Variants in BCAR3 observed in about 807,000 individuals in gnomAD.
The protein encoded by BCAR3 is BCAR3 adaptor protein, NSP family member, also known as breast cancer anti-estrogen resistance protein 3.
Under a neutral mutation model 80.1 loss-of-function variants are expected in BCAR3, and 37 were observed. The ratio of observed to expected loss-of-function variants is 0.46; its 90% confidence interval spans 0.36 to 0.61. The LOEUF is 0.61. Among genes scored for constraint, BCAR3 ranks in the 20% least tolerant of loss-of-function variants. The pLI, the probability that BCAR3 is intolerant of heterozygous loss-of-function variation, is 0.00. For synonymous variants in BCAR3, 389 were observed against 418.9 expected, an observed-to-expected ratio of 0.93 and a Z score of 0.87; for missense variants, 978 against 1,068.2, an observed-to-expected ratio of 0.92 and a Z score of 1.18.
chr1:93,635,992 C>T (rs544838526), intron 3 of BCAR3, among the ~76,000 whole-genome samples: 3 of 152,290 alleles, frequency 2.0e-5, no homozygotes, highest in Admixed American at 6.5e-5. Context: ...CTGAGGTCTC[C>T]GGCAGCCAGG....
At chr1:93,807,163 G>C (rs1436940317) in intron 2 of BCAR3, among the ~76,000 whole-genome samples, 1 of 152,112 alleles carries the variant, frequency 6.6e-6, no homozygotes, top group African/African-American at 2.4e-5. Context: ...GTCTTTGATT[G>C]ATATGGCCTG....
chr1:93,711,853 A>G (rs1162961346), intron 2 of BCAR3, among the ~76,000 whole-genome samples: 1 of 152,176 alleles, frequency 6.6e-6, no homozygotes, highest in Non-Finnish European at 1.5e-5. Context: ...GTGACCTGCA[A>G]AACATGGACA....
At chr1:93,847,953 G>A, upstream of BCAR3, 1 of 236,702 alleles carries the variant, frequency 4.2e-6, no homozygotes, top group Non-Finnish European at 8.2e-6. Flanking sequence ...GCGAAGGCTC[G>A]CGGTTTCGGC....
intron 2 of BCAR3, among the ~76,000 whole-genome samples, chr1:93,657,392 T>C (rs1647439665): frequency 1.3e-5 from 2 of 152,202 alleles, no homozygotes; most frequent in Admixed American, 1.3e-4. Context: ...GAATTATTTA[T>C]TACTTGAAAA....
intron 3 of BCAR3, among the ~76,000 whole-genome samples, chr1:93,624,449 G>T (rs1675400027): frequency 6.6e-6 from 1 of 152,194 alleles, no homozygotes; most frequent in African/African-American, 2.4e-5. Flanking sequence ...CTGGAAGTTT[G>T]GGAGCCCCTG....
At chr1:93,776,951 T>C (rs192350051) in intron 2 of BCAR3, among the ~76,000 whole-genome samples, 1 of 152,274 alleles carries the variant, frequency 6.6e-6, no homozygotes, top group Admixed American at 6.5e-5. Context: ...TTCTTACAGA[T>C]GGAATCAGGT....
At chr1:93,668,098 A>C (rs574580544) in intron 2 of BCAR3, among the ~76,000 whole-genome samples, 1 of 152,016 alleles carries the variant, frequency 6.6e-6, no homozygotes, top group Non-Finnish European at 1.5e-5. Context: ...TGGTGGCCTG[A>C]AAAAAAACAT....
intron 2 of BCAR3, among the ~76,000 whole-genome samples, chr1:93,779,965 C>T (rs981662119): frequency 1.3e-5 from 2 of 152,142 alleles, no homozygotes; most frequent in African/African-American, 4.8e-5. Flanking sequence ...AAAAGGTAAA[C>T]CCCTCAGGAC....
At chr1:93,811,035 A>C (rs1653823926) in intron 2 of BCAR3, among the ~76,000 whole-genome samples, 1 of 152,220 alleles carries the variant, frequency 6.6e-6, no homozygotes, top group Admixed American at 6.5e-5. Flanking sequence ...AGGTAACAGA[A>C]TCCCAATTTT....
At chr1:93,742,020 C>T (rs900184987) in intron 2 of BCAR3, among the ~76,000 whole-genome samples, 5 of 152,302 alleles carry the variant, frequency 3.3e-5, no homozygotes, top group African/African-American at 9.6e-5. Flanking sequence ...CGTGTACCTG[C>T]CTCCACCACA....
At chr1:93,583,502 CT>C (rs1442500467) in intron 6 of BCAR3, among the ~76,000 whole-genome samples, 5 of 148,228 alleles carry the variant, frequency 3.4e-5, no homozygotes, top group African/African-American at 1.3e-4. Context: ...AAACAACCCC[CT>C]GTCTTACTAA....
At position 93,698,944 on chromosome 1, in the gene BCAR3, G is replaced by A. The variant is rs139452295; in HGVS notation, c.-12+7148C>T. 1.2e-4 allele frequency among the ~76,000 whole-genome samples: 18 copies of A among 152,308 alleles called. No individual in the cohort carries two copies. The East Asian group carries it at 1.3e-3, about 11-fold the overall frequency. On this transcript the variant is annotated intron_variant, in intron 3 of 13. Transcript: ENST00000370244. ...TAACAGCACACAACACAAGGGAATCGTGCCTCCTGCTTTTTTGGCTTGGTA... is the reference window on the plus strand; with the variant it reads ...TAACAGCACACAACACAAGGGAATCATGCCTCCTGCTTTTTTGGCTTGGTA...
intron 3 of BCAR3, among the ~76,000 whole-genome samples, chr1:93,702,372 T>G (rs1649674385): frequency 6.6e-6 from 1 of 152,104 alleles, no homozygotes; most frequent in African/African-American, 2.4e-5. Context: ...AAAAACAACC[T>G]CAGCCCAACT....
intron 2 of BCAR3, among the ~76,000 whole-genome samples, chr1:93,759,682 G>A (rs1651868305): frequency 6.6e-6 from 1 of 152,172 alleles, no homozygotes; most frequent in Admixed American, 6.5e-5. Context: ...GGGAGAGAAG[G>A]AACACACCTG....
In BCAR3 at chr1:93,565,516, G is replaced by GA. The variant is rs559054497; in HGVS notation, c.2299+1762dup. Among the ~76,000 whole-genome samples the GA allele has an allele frequency of 1.1e-3, 161 of 152,300 alleles. 2 individuals are homozygous for GA. The highest frequency in any genetic ancestry group is 3.6e-3 in the African/African-American group (148 of 41,562). ...TGTGAAATCTATATTAGGATCGACT[G>GA]AAAAATTCCATCAGTGACCTTTAAA... On this transcript the variant is annotated intron_variant, in intron 11 of 11. Coordinates refer to ENST00000260502, the MANE Select transcript of BCAR3 (RefSeq NM_003567.4).
intron 2 of BCAR3, among the ~76,000 whole-genome samples, chr1:93,833,387 A>G (rs978130542): frequency 6.6e-6 from 1 of 152,160 alleles, no homozygotes; most frequent in African/African-American, 2.4e-5. Context: ...ATTGTCATTG[A>G]TAAACATCTT....
intron 1 of BCAR3, among the ~76,000 whole-genome samples, chr1:93,679,296 TA>T (rs1473152749): frequency 6.6e-6 from 1 of 152,232 alleles, no homozygotes; most frequent in African/African-American, 2.4e-5. Flanking sequence ...AGAGTCACTG[TA>T]TCTCTGTTAT....
intron 3 of BCAR3, among the ~76,000 whole-genome samples, chr1:93,628,192 C>G (rs978186620): frequency 6.6e-6 from 1 of 152,130 alleles, no homozygotes; most frequent in African/African-American, 2.4e-5. Context: ...CTTCTCCCAC[C>G]TCATGTCCAA....
At chr1:93,788,960 T>TTCCCTCCCTTCC (rs1653043699) in intron 2 of BCAR3, among the ~76,000 whole-genome samples, 3 of 152,042 alleles carry the variant, frequency 2.0e-5, no homozygotes, top group South Asian at 2.1e-4. Flanking sequence ...TGTTAAAATA[T>TTCCCTCCCTTCC]TCCCTCCCTT....
Sources: gnomAD v4.1 joint callset for allele counts (sites outside exome capture counted in the v4.1 genomes callset) on GRCh38, gnomAD v4.1.1 for gene constraint, MANE v1.5 for transcripts, NCBI Gene and HGNC (gene_info 2026-07-23, HGNC 2026-07-21) for gene names.